The following HMOX2 variants were observed in gnomAD, a reference collection of about 807,000 sequenced individuals.
The protein encoded by HMOX2 is heme oxygenase (decycling) 2.
HMOX2 carries 30 observed loss-of-function variants against 33.7 expected under a neutral mutation model. The ratio of observed to expected loss-of-function variants is 0.89; its 90% CI spans 0.67 to 1.21. The LOEUF (loss-of-function observed/expected upper bound fraction) is 1.21, where lower values mean the gene tolerates loss of function less well. Among genes scored for constraint, HMOX2 ranks in the 50% most tolerant of loss-of-function variants. The pLI, the probability that HMOX2 is intolerant of heterozygous loss-of-function variation, is 0.00. For missense variants in HMOX2, 403 were observed against 399.1 expected (o/e 1.01, Z -0.08); for synonymous variants, 155 against 155.0 (o/e 1.00, Z 0.00).
At chr16:4,504,245 G>C (rs1333210222) in intron 1 of HMOX2, among the ~76,000 whole-genome samples, 1 of 152,144 alleles carries the variant, frequency 6.6e-6, no homozygotes, top group South Asian at 2.1e-4. Flanking sequence ...CTCACAGGTA[G>C]GATGAACTGG....
chr16:4,477,965 T>C (rs1261548749), intron 1 of HMOX2, among the ~76,000 whole-genome samples: 2 of 152,174 alleles, frequency 1.3e-5, no homozygotes, highest in Middle Eastern at 3.2e-3. Context: ...TTTGTGCTTA[T>C]CAGGAGTTCA....
Position 4,508,004 on chromosome 16 carries a change from G to A in HMOX2, c.496G>A (p.Val166Met), listed in dbSNP as rs1431609457. 7 of 1,613,984 alleles carry A rather than the reference G, an allele frequency of 4.3e-6. No individual in the cohort carries two copies. Among genetic ancestry groups the A allele is most frequent in the Non-Finnish European group, 5.9e-6 (7 of 1,180,016 alleles). The stretch of plus-strand genomic sequence containing the variant: ...CATGGGGGATCTCTCGGGGGGCCAG[G>A]TGCTGAAGAAGGTGGCCCAGCGAGC... Reference protein sequence around the residue: ...RYMGDLSGGQVLKKVAQRALK... With the variant: ...RYMGDLSGGQMLKKVAQRALK... Residue 166 changes from valine (V) to methionine (M), a missense_variant, in exon 4 of 6, where the codon GTG becomes ATG. Transcript: ENST00000570646.
chr16:4,487,610 T>C (rs972600799), intron 1 of HMOX2, among the ~76,000 whole-genome samples: 2 of 151,956 alleles, frequency 1.3e-5, no homozygotes, highest in African/African-American at 4.8e-5. Flanking sequence ...GAGACCATCC[T>C]GTGAATGGCG....
chr16:4,508,253 C>T (rs760743555), intron 4 of HMOX2, 49 bp downstream of exon 4: 3 of 1,548,620 alleles, frequency 1.9e-6, no homozygotes, highest in Middle Eastern at 1.8e-4. Flanking sequence ...GAAACTTTGA[C>T]AGTGGTAGCA....
intron 1 of HMOX2, among the ~76,000 whole-genome samples, chr16:4,499,011 G>A (rs922667240): frequency 6.6e-5 from 10 of 152,200 alleles, no homozygotes; most frequent in African/African-American, 2.2e-4. Flanking sequence ...CAGTGCTCAC[G>A]TGGCTCACCT....
intron 1 of HMOX2, among the ~76,000 whole-genome samples, chr16:4,480,073 A>C (rs896505379): frequency 6.7e-6 from 1 of 149,358 alleles, no homozygotes; most frequent in Admixed American, 6.7e-5. Context: ...TTTGAAACAG[A>C]GTCTGGCTCT....
intron 1 of HMOX2, among the ~76,000 whole-genome samples, chr16:4,477,431 A>C (rs2141494898): frequency 6.8e-6 from 1 of 147,536 alleles, no homozygotes; most frequent in East Asian, 2.1e-4. Flanking sequence ...CCCGGGAGGC[A>C]GAGGTTGCAG....
At chr16:4,491,904 G>A (rs1037123560) in intron 1 of HMOX2, among the ~76,000 whole-genome samples, 10 of 151,836 alleles carry the variant, frequency 6.6e-5, no homozygotes, top group Admixed American at 1.3e-4. Flanking sequence ...GGCTGGTCTC[G>A]AGCTCCTGAC....
At chr16:4,494,886 A>G (rs2058382950) in intron 1 of HMOX2, among the ~76,000 whole-genome samples, 1 of 151,890 alleles carries the variant, frequency 6.6e-6, no homozygotes, top group Admixed American at 6.6e-5. Flanking sequence ...AAAAAAAAAA[A>G]GTTTGGCCAG....
chr16:4,478,677 A>G (rs889207646), intron 1 of HMOX2, among the ~76,000 whole-genome samples: 5 of 151,984 alleles, frequency 3.3e-5, no homozygotes, highest in African/African-American at 1.2e-4. Context: ...AGGCAGGAGA[A>G]TCACTTGAAC....
intron 1 of HMOX2, among the ~76,000 whole-genome samples, chr16:4,496,981 G>A (rs1342503243): frequency 6.6e-6 from 1 of 151,936 alleles, no homozygotes; most frequent in Admixed American, 6.6e-5. Flanking sequence ...ATAGGTGTGA[G>A]CTACCAGTAC....
intron 1 of HMOX2, among the ~76,000 whole-genome samples, chr16:4,500,729 C>T (rs1490398883): frequency 1.3e-5 from 2 of 152,288 alleles, no homozygotes; most frequent in East Asian, 1.9e-4. Context: ...TTACCATCTT[C>T]GTTGTCTCAG....
chr16:4,495,286 C>T (rs1343438354), intron 1 of HMOX2, among the ~76,000 whole-genome samples: 1 of 152,162 alleles, frequency 6.6e-6, no homozygotes, highest in Admixed American at 6.6e-5. Context: ...CCTTACCACT[C>T]TTTGGGTGTA....
intron 1 of HMOX2, among the ~76,000 whole-genome samples, chr16:4,491,550 G>T (rs981894791): frequency 6.6e-6 from 1 of 152,020 alleles, no homozygotes; most frequent in Non-Finnish European, 1.5e-5. Flanking sequence ...TACTTGGGGG[G>T]CTGAGGTGGG....
chr16:4,480,625 C>T (rs948308522), intron 1 of HMOX2, among the ~76,000 whole-genome samples: 4 of 148,930 alleles, frequency 2.7e-5, no homozygotes, highest in African/African-American at 7.5e-5. Flanking sequence ...AGAGGTGGAG[C>T]GACCGTGCCC....
chr16:4,490,881 G>C (rs575085578), intron 1 of HMOX2, among the ~76,000 whole-genome samples: 1 of 152,316 alleles, frequency 6.6e-6, no homozygotes, highest in Non-Finnish European at 1.5e-5. Context: ...TAGTGCTGTT[G>C]ACATTTTGGG....
At position 4,494,706 on chromosome 16, in the gene HMOX2, C is replaced by T. The variant is rs140056309; in HGVS notation, c.-41-10778C>T. 1.5e-3 allele frequency among the ~76,000 whole-genome samples: 232 copies of T among 152,248 alleles called. 3 individuals carry two copies. The East Asian group carries it at 0.043, about 28-fold the overall frequency. On this transcript the variant is annotated intron_variant, in intron 1 of 5. Coordinates refer to ENST00000570646, the MANE Select transcript of HMOX2 (RefSeq NM_002134.4). ...CCAGCCTGGACAACATGGTGAAACC[C>T]TGTCTTTACTAAAAATACAAAAATT...
At chr16:4,489,653 T>C (rs2058259402) in intron 1 of HMOX2, among the ~76,000 whole-genome samples, 1 of 152,100 alleles carries the variant, frequency 6.6e-6, no homozygotes, top group East Asian at 1.9e-4. Context: ...GAGATGGGGT[T>C]TCACCATGTT....
Position 4,509,529 on chromosome 16 carries a change from C to G in HMOX2, c.814C>G (p.Gln272Glu), listed in dbSNP as rs1400089683. ...TAAATGCCCTTTCTACGCTGCTGAA[C>G]AAGACAAAGGTAGGTCTGTGTGTCC... ...MRKCPFYAAE[Q>E]DKGALEGSSC... is the part of the protein sequence containing the mutation. The change falls in exon 5 of 6, where the codon CAA (glutamine) becomes GAA (glutamate). Residue 272 changes from glutamine (Q) to glutamate (E), a missense_variant. Physicochemically the swap from Gln to Glu is conservative, Grantham distance 29. Transcript: ENST00000570646. The G allele has an allele frequency of 6.2e-7, 1 of 1,614,138 alleles. No homozygotes were observed. The highest frequency in any genetic ancestry group is 8.5e-7 in the Non-Finnish European group (1 of 1,180,016).
Sources: allele counts gnomAD v4.1 joint callset (sites outside exome capture counted in the v4.1 genomes callset), GRCh38; gene constraint gnomAD v4.1.1; transcripts MANE v1.5; gene names NCBI Gene and HGNC (gene_info 2026-07-23, HGNC 2026-07-21).